The following CCDC134 variants were observed in gnomAD, a reference collection of about 807,000 sequenced individuals.
CCDC134 encodes coiled-coil domain-containing protein 134.
A neutral mutation model predicts 25.6 loss-of-function variants in CCDC134; 27 were observed. The observed-to-expected ratio is 1.05, with a 90% CI of 0.78 to 1.45. The LOEUF (loss-of-function observed/expected upper bound fraction) is 1.45, where lower values mean the gene tolerates loss of function less well. Ranked by LOEUF, CCDC134 falls within the 40% of genes most tolerant of loss-of-function variation. CCDC134 has a pLI of 0.00. For missense variants in CCDC134, 261 were observed against 286.7 expected (o/e 0.91, Z 0.65); for synonymous variants, 110 against 115.0 (o/e 0.96, Z 0.28).
rs2076672825 is a variant in CCDC134 at position 41,825,585 on chromosome 22, G to A, written c.565-113G>A. On this transcript the variant is annotated intron_variant, in intron 6 of 6. Transcript: ENST00000255784. The surrounding 1 kb of genome is among the most constrained non-coding windows in gnomAD (Gnocchi z 4.4). ...CCCATTTCCTGTCTCCGTGTCTGGG[G>A]CAGGGCCTGTGTCCAGGGAACCTTC... 8 of 1,360,198 alleles carry A rather than the reference G, an allele frequency of 5.9e-6. No individual in the cohort carries two copies. The highest frequency in any genetic ancestry group is 2.4e-5 in the East Asian group (1 of 42,478). The allele number at this position is 1,360,198 out of a possible 1,614,324, so 84.3% of individuals were successfully genotyped here.
In CCDC134 at chr22:41,825,890, G is replaced by A; in HGVS notation, c.*67G>A. ...GTCGGGAGGAAGAAGAGGTGGAGGT[G>A]TGGTTGTGGTGGAGAGCACCAGCTA... On this transcript the variant is annotated 3_prime_UTR_variant, in exon 7 of 7. Transcript: ENST00000255784. The surrounding 1 kb of genome is among the most constrained non-coding windows in gnomAD (Gnocchi z 4.4). The A allele has an allele frequency of 1.3e-6, 2 of 1,591,904 alleles. No homozygotes were observed. Among genetic ancestry groups the A allele is most frequent in the East Asian group, 2.2e-5 (1 of 44,500 alleles).
chr22:41,823,928 G>T (rs997415619), intron 6 of CCDC134, among the ~76,000 whole-genome samples: 1 of 152,178 alleles, frequency 6.6e-6, no homozygotes, highest in African/African-American at 2.4e-5. Context: ...ACATTATAAT[G>T]ACACGACCTT....
At chr22:41,807,409 A>G (rs925136712) in intron 1 of CCDC134, among the ~76,000 whole-genome samples, 1 of 152,096 alleles carries the variant, frequency 6.6e-6, no homozygotes, top group Non-Finnish European at 1.5e-5. Context: ...GAAAAATACA[A>G]AAAATAGCCG....
In CCDC134 at chr22:41,808,865, A is replaced by G; in HGVS notation, c.-16-10A>G. The G allele has an allele frequency of 6.3e-7, 1 of 1,588,508 alleles. No individual in the cohort carries two copies. The highest frequency in any genetic ancestry group is 8.6e-7 in the Non-Finnish European group (1 of 1,156,836). ...GAGTCTCACTCTCTTTCTTTGGGTT[A>G]TTCTTCCAGCTCAAGAGGTTTGGAT... On this transcript the variant is annotated splice_polypyrimidine_tract_variant and intron_variant, in intron 1 of 6. Coordinates refer to ENST00000255784, the MANE Select transcript of CCDC134 (RefSeq NM_024821.5).
At chr22:41,815,792 G>A (rs927339484) in intron 6 of CCDC134, among the ~76,000 whole-genome samples, 7 of 152,082 alleles carry the variant, frequency 4.6e-5, no homozygotes, top group African/African-American at 1.7e-4. Flanking sequence ...CGACAGGCCT[G>A]TGCGACACCA....
At chr22:41,812,573 G>A (rs375207342) in intron 4 of CCDC134, among the ~76,000 whole-genome samples, 185 of 152,240 alleles carry the variant, frequency 1.2e-3, no homozygotes, top group African/African-American at 4.2e-3. Context: ...CGAGGTAGGA[G>A]GATCACTTGA....
At chr22:41,804,195 A>G (rs985075952) in intron 1 of CCDC134, among the ~76,000 whole-genome samples, 1 of 152,178 alleles carries the variant, frequency 6.6e-6, no homozygotes, top group African/African-American at 2.4e-5. Flanking sequence ...TGTCTTCGGA[A>G]AAGCTATCTA....
rs557517920 is a variant in CCDC134 at position 41,823,974 on chromosome 22, A to G, written c.565-1724A>G. 9.2e-5 allele frequency among the ~76,000 whole-genome samples: 14 copies of G among 152,312 alleles called. No individual in the cohort carries two copies. In the South Asian group the frequency reaches 2.7e-3, roughly 29 times the overall value. ...ACTTTATTCGAGGACCTGCTGTGCT[A>G]TTGTATTTCCTATTCTAACGTGGCT... On this transcript the variant is annotated intron_variant, in intron 6 of 6. Transcript: ENST00000255784.
chr22:41,809,029 G>C, intron 2 of CCDC134, 36 bp downstream of exon 2: 3 of 1,532,210 alleles, frequency 2.0e-6, no homozygotes, highest in Non-Finnish European at 2.7e-6. Context: ...AGCTGTCTTT[G>C]AGAGGTCTAT....
At chr22:41,815,354 C>T (rs373699120) in intron 6 of CCDC134, among the ~76,000 whole-genome samples, 7 of 151,408 alleles carry the variant, frequency 4.6e-5, no homozygotes, top group East Asian at 2.0e-4. Flanking sequence ...TACAGGCGCC[C>T]GCCACCACAC....
Position 41,826,972 on chromosome 22 carries a change from A to G in CCDC134, c.*1149A>G, listed in dbSNP as rs2076682862. Among the ~76,000 whole-genome samples, 2 of 152,262 alleles carry G rather than the reference A, an allele frequency of 1.3e-5. No homozygotes were observed. Among genetic ancestry groups the G allele is most frequent in the South Asian group, 4.1e-4 (2 of 4,838 alleles). On this transcript the variant is annotated 3_prime_UTR_variant, in exon 7 of 7. Transcript: ENST00000255784. The stretch of plus-strand genomic sequence containing the variant: ...AGAGCACAAGTGAGATCTGAGTGTT[A>G]GCCCTTCAGATTTGCTGACTGGCCT...
intron 1 of CCDC134, among the ~76,000 whole-genome samples, chr22:41,804,460 C>T (rs531360389): frequency 4.6e-5 from 7 of 152,290 alleles, no homozygotes; most frequent in South Asian, 4.1e-4. Flanking sequence ...ATAATGAGAA[C>T]TCAAAAACAA....
At position 41,830,946 on chromosome 22, in the gene CCDC134, C is replaced by T. The variant is rs9611674; in HGVS notation, c.*5123C>T. Among the ~76,000 whole-genome samples the T allele has an allele frequency of 0.36, 51,021 of 142,150 alleles. 9,742 individuals are homozygous for T. The highest frequency in any genetic ancestry group is 0.44 in the Non-Finnish European group (29,258 of 66,960). 93.3% of individuals were successfully genotyped at this position (142,150 alleles called of 152,430 possible). A position where few individuals can be genotyped will look rare whatever the true frequency, so the allele number is the denominator to read the frequency against. On this transcript the variant is annotated 3_prime_UTR_variant, in exon 7 of 7. Transcript: ENST00000255784. ...TGTTGCCCAGGCTGGAGTGCAATGGCGCGATCTCTGCTCACCGTAACTTCT... is the reference window on the plus strand; with the variant it reads ...TGTTGCCCAGGCTGGAGTGCAATGGTGCGATCTCTGCTCACCGTAACTTCT...
rs770485477 is a variant in CCDC134, at chr22:41,810,323, G to C, written c.310+32G>C. 1.2e-5 allele frequency: 19 copies of C among 1,574,964 alleles called. No homozygotes were observed. The East Asian group carries it at 3.8e-4, about 32-fold the overall frequency. Reference sequence around the variant, plus strand: ...TCTGCCCTGCCCCGCCCTGTCCTCCGCACCACCCGATCTTCTCTAGCTGCT... The same window carrying C: ...TCTGCCCTGCCCCGCCCTGTCCTCCCCACCACCCGATCTTCTCTAGCTGCT... On this transcript the variant is annotated intron_variant, in intron 4 of 6. Coordinates refer to ENST00000255784, the MANE Select transcript of CCDC134 (RefSeq NM_024821.5).
intron 6 of CCDC134, among the ~76,000 whole-genome samples, chr22:41,824,605 CA>C (rs1479194052): frequency 2.0e-5 from 3 of 152,020 alleles, no homozygotes; most frequent in African/African-American, 7.3e-5. Context: ...ACTAAAAATA[CA>C]AAAATTAGCC....
intron 1 of CCDC134, 100 bp from the exon 2 acceptor site, chr22:41,808,775 G>A: frequency 1.1e-6 from 1 of 913,512 alleles, no homozygotes; most frequent in Non-Finnish European, 1.8e-6. Context: ...GTATACAGAG[G>A]CTGCACTATG....
chr22:41,816,329 A>G (rs1173414415), intron 6 of CCDC134, among the ~76,000 whole-genome samples: 1 of 152,262 alleles, frequency 6.6e-6, no homozygotes, highest in Non-Finnish European at 1.5e-5. Flanking sequence ...GGAAAAGCAG[A>G]TGAATTTGTA....
At position 41,810,018 on chromosome 22, in the gene CCDC134, G is replaced by A. The variant is rs756206922; in HGVS notation, c.225+18G>A. On this transcript the variant is annotated intron_variant, in intron 3 of 6. Transcript: ENST00000255784. ...TCTTTAAGGTGTGTGCAGGCAGGGG[G>A]CAGCTCATGGCAGGTCCAGTCTTTG... is the stretch of plus-strand genomic sequence containing the variant. The A allele has an allele frequency of 6.2e-7, 1 of 1,613,506 alleles. No individual in the cohort carries two copies. Among genetic ancestry groups the A allele is most frequent in the Non-Finnish European group, 8.5e-7 (1 of 1,179,716 alleles).
chr22:41,811,748 A>G (rs1052946695), intron 4 of CCDC134, among the ~76,000 whole-genome samples: 9 of 152,226 alleles, frequency 5.9e-5, no homozygotes, highest in Admixed American at 5.9e-4. Flanking sequence ...TTGTTTATAC[A>G]GCAAGCTTTT....
Sources: gnomAD v4.1 joint callset for allele counts (sites outside exome capture counted in the v4.1 genomes callset) on GRCh38, gnomAD v4.1.1 for gene constraint, Gnocchi (gnomAD v3.1) non-coding constraint, MANE v1.5 for transcripts, NCBI Gene and HGNC (gene_info 2026-07-23, HGNC 2026-07-21) for gene names.